The following ZNF439 variants were observed in gnomAD, a reference collection of about 807,000 sequenced individuals.
ZNF439 encodes the protein zinc finger protein 439.
A neutral mutation model predicts 47.3 loss-of-function variants in ZNF439; 40 were observed. That is an observed-to-expected ratio of 0.85 (90% confidence interval 0.66 to 1.10). The LOEUF (loss-of-function observed/expected upper bound fraction) is 1.10. ZNF439 is among the 50% of genes least tolerant of loss of function. The probability of loss-of-function intolerance (pLI) is 0.00; values close to 1 mark genes in which losing one functional copy is unlikely to be tolerated. For synonymous variants in ZNF439, 171 were observed against 198.8 expected (o/e 0.86, Z 1.18); for missense variants, 556 against 601.1 (o/e 0.93, Z 0.78).
Position 11,866,536 on chromosome 19 carries a change from G to C in ZNF439, c.191-1G>C, listed in dbSNP as rs748051215. 4 of 1,612,076 alleles carry C rather than the reference G, an allele frequency of 2.5e-6. No homozygotes were observed. In the South Asian group the frequency reaches 4.4e-5, roughly 18 times the overall value. ...ATTATTTTTCTGTGTTTGTATTTTA[G>C]GAAAAAAGTGGAAAGACCAGAACAT... On this transcript the variant is annotated splice_acceptor_variant, in intron 2 of 3. Transcript: ENST00000682736. LOFTEE classifies it high-confidence loss of function.
At position 11,868,347 on chromosome 19, in the gene ZNF439, A is replaced by G. The variant is rs757573505; in HGVS notation, c.1293A>G (p.Gln431=). Reference sequence around the variant, plus strand: ...CCTTCAGATCTGCCCCAAATCTTCAATTGCATGGTAGGACTCACACTGGAG... The same window carrying G: ...CCTTCAGATCTGCCCCAAATCTTCAGTTGCATGGTAGGACTCACACTGGAG... The part of the protein sequence containing the change: ...GKAFRSAPNL[Q]LHGRTHTGEK... The change falls in exon 4 of 4, where the codon CAA becomes CAG. Residue 431 remains glutamine, a synonymous_variant. Coordinates refer to ENST00000682736, the MANE Select transcript of ZNF439 (RefSeq NM_001348719.2). The G allele has an allele frequency of 1.2e-6, 2 of 1,602,370 alleles. No homozygotes were observed. The highest frequency in any genetic ancestry group is 1.7e-5 in the Admixed American group (1 of 59,532).
chr19:11,863,944 G>A (rs539975586), intron 1 of ZNF439, among the ~76,000 whole-genome samples: 4 of 151,440 alleles, frequency 2.6e-5, no homozygotes, highest in South Asian at 2.1e-4. Flanking sequence ...GGCTGGTCTC[G>A]AACTGCGGGG....
intron 1 of ZNF439, among the ~76,000 whole-genome samples, chr19:11,862,347 T>G (rs1976560793): frequency 6.6e-6 from 1 of 152,186 alleles, no homozygotes; most frequent in Non-Finnish European, 1.5e-5. Context: ...CATGGGAGAC[T>G]GAGGTGAGAA....
intron 1 of ZNF439, among the ~76,000 whole-genome samples, chr19:11,859,077 G>T (rs944031944): frequency 3.9e-5 from 6 of 152,316 alleles, no homozygotes; most frequent in African/African-American, 1.4e-4. Context: ...CTTCACAGGT[G>T]CTAGTGCACA....
chr19:11,861,393 G>C (rs1282393894), intron 1 of ZNF439, among the ~76,000 whole-genome samples: 1 of 152,072 alleles, frequency 6.6e-6, no homozygotes, highest in Non-Finnish European at 1.5e-5. Flanking sequence ...GCTGACTCAA[G>C]TTCCCCACAA....
chr19:11,854,353 G>A (rs1976328585), intron 1 of ZNF439, among the ~76,000 whole-genome samples: 1 of 152,222 alleles, frequency 6.6e-6, no homozygotes, highest in South Asian at 2.1e-4. Flanking sequence ...TGAGTAAGCT[G>A]AGTTAGAAGA....
intron 1 of ZNF439, among the ~76,000 whole-genome samples, chr19:11,864,237 G>A (rs903076473): frequency 6.6e-6 from 1 of 152,170 alleles, no homozygotes. Flanking sequence ...AAATGGAACA[G>A]TGGGCTCAAA....
intron 1 of ZNF439, among the ~76,000 whole-genome samples, chr19:11,854,836 A>G (rs907538755): frequency 3.9e-5 from 6 of 152,262 alleles, no homozygotes; most frequent in African/African-American, 1.4e-4. Flanking sequence ...TTACAGGTCA[A>G]TTGGGTATTG....
intron 3 of ZNF439, 135 bp from the exon 4 acceptor site, chr19:11,867,171 C>T: frequency 9.3e-7 from 1 of 1,079,010 alleles, no homozygotes; most frequent in Non-Finnish European, 1.3e-6. Flanking sequence ...TGTCCAGTCA[C>T]CTTCAAACAA....
At chr19:11,854,759 A>G (rs1266373147) in intron 1 of ZNF439, among the ~76,000 whole-genome samples, 1 of 152,070 alleles carries the variant, frequency 6.6e-6, no homozygotes, top group Admixed American at 6.5e-5. Context: ...TCTGTCTCAA[A>G]AAAAAAAAAG....
intron 1 of ZNF439, among the ~76,000 whole-genome samples, chr19:11,852,253 T>A (rs1485459691): frequency 6.6e-6 from 1 of 152,046 alleles, no homozygotes; most frequent in Non-Finnish European, 1.5e-5. Context: ...AGACCCCCCA[T>A]CTCAATTGTG....
At chr19:11,862,416 T>C (rs1350241674) in intron 1 of ZNF439, among the ~76,000 whole-genome samples, 1 of 150,794 alleles carries the variant, frequency 6.6e-6, no homozygotes, top group Non-Finnish European at 1.5e-5. Flanking sequence ...AGAACTCCTC[T>C]ATTTTTTTTT....
chr19:11,867,973 G>A lies in ZNF439; in HGVS notation c.919G>A (p.Glu307Lys), dbSNP rs753468789. The A allele has an allele frequency of 6.2e-7, 1 of 1,614,104 alleles. No individual in the cohort carries two copies. The highest frequency in any genetic ancestry group is 2.2e-5 in the East Asian group (1 of 44,866). Residue 307 changes from glutamate to lysine, a missense_variant, in exon 4 of 4, where the codon GAA becomes AAA. Glu to Lys is a moderately conservative substitution (Grantham distance 56). Transcript: ENST00000682736. ...HMGEKAYQCK[E>K]CGKAFMCPRY... ...GGGAGAGAAGGCTTATCAATGTAAG[G>A]AATGTGGAAAAGCATTCATGTGTCC...
chr19:11,852,079 T>A (rs1380155354), intron 1 of ZNF439, among the ~76,000 whole-genome samples: 1 of 152,164 alleles, frequency 6.6e-6, no homozygotes, highest in Non-Finnish European at 1.5e-5. Context: ...GTGATAGCCA[T>A]GAAGTCTTTG....
rs1385607690 is a variant in ZNF439, at chr19:11,848,844, T to A, written c.-24T>A. On this transcript the variant is annotated 5_prime_UTR_variant, in exon 1 of 4. Transcript: ENST00000682736. The stretch of plus-strand genomic sequence containing the variant: ...AGGGACCTAGTGCCTCTACCCAGAT[T>A]TCTGTCGCTCTGTCACCTGCGCTAT... 1 of 1,541,782 alleles carries A rather than the reference T, an allele frequency of 6.5e-7. No homozygotes were observed. Among genetic ancestry groups the A allele is most frequent in the Non-Finnish European group, 8.8e-7 (1 of 1,135,376 alleles).
chr19:11,867,462 TA>T lies in ZNF439; in HGVS notation c.410del (p.Asn137ThrfsTer6), dbSNP rs1297422990. On this transcript the variant is annotated frameshift_variant, in exon 4 of 4. Transcript: ENST00000682736. LOFTEE classifies it high-confidence loss of function. ...GCTTTGTGTGTGAAGTTGGCCTAGG[TA>T]ACTCATCTTCTAATATGAACATCAG... ...DSFVCEVGLG[N>X]SSSNMNIRGD... The T allele has an allele frequency of 3.7e-6, 6 of 1,614,002 alleles. No individual in the cohort carries two copies. Among genetic ancestry groups the T allele is most frequent in the Non-Finnish European group, 5.1e-6 (6 of 1,180,022 alleles).
intron 1 of ZNF439, chr19:11,857,713 G>T (rs768139798): frequency 4.6e-5 from 7 of 152,132 alleles, no homozygotes; most frequent in Non-Finnish European, 1.0e-4. Flanking sequence ...CTAGCATTGC[G>T]CACAGCCAAT....
At chr19:11,861,340 C>T (rs1197562906) in intron 1 of ZNF439, among the ~76,000 whole-genome samples, 1 of 152,100 alleles carries the variant, frequency 6.6e-6, no homozygotes, top group Non-Finnish European at 1.5e-5. Flanking sequence ...CTTCAGTACA[C>T]CCTCCTATCT....
At chr19:11,867,140 A>G (rs1976706564) in intron 3 of ZNF439, among the ~76,000 whole-genome samples, 166 bp from the exon 4 acceptor site, 2 of 152,246 alleles carry the variant, frequency 1.3e-5, no homozygotes, top group African/African-American at 4.8e-5. Context: ...AGGTATGGCT[A>G]GGTCACCTTG....
Sources: gnomAD v4.1 joint callset for allele counts (sites outside exome capture counted in the v4.1 genomes callset) on GRCh38, gnomAD v4.1.1 for gene constraint, MANE v1.5 for transcripts, NCBI Gene and HGNC (gene_info 2026-07-23, HGNC 2026-07-21) for gene names.